The following PPM1D variants were observed in gnomAD, a reference collection of about 807,000 sequenced individuals.
PPM1D encodes protein phosphatase 1D.
Under a neutral mutation model 58.3 loss-of-function variants are expected in PPM1D, and 52 were observed. That is an observed-to-expected ratio of 0.89 (90% CI 0.71 to 1.12). The LOEUF (loss-of-function observed/expected upper bound fraction) is 1.12. PPM1D is among the 50% of genes most tolerant of loss of function. PPM1D has a pLI of 0.00. For synonymous variants in PPM1D, 278 were observed against 285.1 expected, an observed-to-expected ratio of 0.98 and a Z score of 0.25; for missense variants, 564 against 777.2, an observed-to-expected ratio of 0.73 and a Z score of 3.26.
chr17:60,632,270 G>T (rs1321108610), intron 2 of PPM1D, among the ~76,000 whole-genome samples: 1 of 152,058 alleles, frequency 6.6e-6, no homozygotes, highest in Non-Finnish European at 1.5e-5. Context: ...TTTTAGGAGG[G>T]TTTTCTTACT....
intron 3 of PPM1D, among the ~76,000 whole-genome samples, chr17:60,644,411 C>T (rs1236684581): frequency 6.6e-6 from 1 of 152,180 alleles, no homozygotes; most frequent in Non-Finnish European, 1.5e-5. Context: ...GCTGGGATTA[C>T]AGGCATGAGC....
chr17:60,624,908 G>T, intron 2 of PPM1D, among the ~76,000 whole-genome samples: 1 of 152,192 alleles, frequency 6.6e-6, no homozygotes, highest in East Asian at 1.9e-4. Flanking sequence ...GGGAGACCGA[G>T]GCGGGTGGAT....
chr17:60,612,672 G>A (rs1301188816), intron 1 of PPM1D, among the ~76,000 whole-genome samples: 1 of 152,018 alleles, frequency 6.6e-6, no homozygotes, highest in African/African-American at 2.4e-5. Flanking sequence ...CAGAAACCCG[G>A]ATACTTTTAG....
chr17:60,661,974 C>T (rs1002414041), intron 5 of PPM1D, among the ~76,000 whole-genome samples: 3 of 151,930 alleles, frequency 2.0e-5, no homozygotes, highest in Non-Finnish European at 4.4e-5. Flanking sequence ...CTAGAAAATT[C>T]AGATTTTTAT....
At chr17:60,642,727 G>A (rs2031160213) in intron 3 of PPM1D, among the ~76,000 whole-genome samples, 1 of 152,056 alleles carries the variant, frequency 6.6e-6, no homozygotes, top group African/African-American at 2.4e-5. Flanking sequence ...AAAGTTTTGG[G>A]ATTACAGGCG....
intron 5 of PPM1D, among the ~76,000 whole-genome samples, chr17:60,660,653 C>T (rs1042976200): frequency 1.3e-5 from 2 of 150,900 alleles, no homozygotes. Flanking sequence ...CCCAGCTACT[C>T]GGGAGGGTGA....
intron 2 of PPM1D, among the ~76,000 whole-genome samples, chr17:60,631,221 G>A (rs944504555): frequency 9.2e-5 from 14 of 152,142 alleles, no homozygotes; most frequent in African/African-American, 3.1e-4. Flanking sequence ...TTGGGAAGCT[G>A]AGGTGGGAGC....
rs1389426982 is a variant in PPM1D, at chr17:60,663,717, G to A, written c.*165G>A. ...TCCTGGCCTTGTACTTGCTTGTATT[G>A]TAAATGTGGATTTTGTAGATGTTAG... On this transcript the variant is annotated 3_prime_UTR_variant, in exon 6 of 6. Coordinates refer to ENST00000305921, the MANE Select transcript of PPM1D (RefSeq NM_003620.4). The A allele has an allele frequency of 2.8e-6, 2 of 715,780 alleles. No homozygotes were observed. The highest frequency in any genetic ancestry group is 5.6e-5 in the East Asian group (2 of 35,994). The allele number at this position is 715,780 out of a possible 1,614,324, so 44.3% of individuals were successfully genotyped here.
chr17:60,617,001 G>A (rs573062663), intron 1 of PPM1D, among the ~76,000 whole-genome samples: 1 of 152,090 alleles, frequency 6.6e-6, no homozygotes, highest in African/African-American at 2.4e-5. Context: ...AGGCTGGAGT[G>A]CAGTGGCACG....
intron 2 of PPM1D, among the ~76,000 whole-genome samples, chr17:60,626,992 T>A (rs560906628): frequency 6.6e-6 from 1 of 152,362 alleles, no homozygotes; most frequent in South Asian, 2.1e-4. Flanking sequence ...TTTCCCACAT[T>A]AATGTGTAGG....
intron 1 of PPM1D, among the ~76,000 whole-genome samples, chr17:60,610,917 C>T (rs907728461): frequency 1.3e-5 from 2 of 152,172 alleles, no homozygotes; most frequent in African/African-American, 2.4e-5. Flanking sequence ...ATTCTTTCAC[C>T]TTCTTGCCAA....
chr17:60,656,166 G>T (rs1416469845), intron 4 of PPM1D, among the ~76,000 whole-genome samples: 1 of 151,740 alleles, frequency 6.6e-6, no homozygotes, highest in Admixed American at 6.6e-5. Flanking sequence ...TGAAAATTTG[G>T]GAGCTTTGGC....
intron 1 of PPM1D, among the ~76,000 whole-genome samples, chr17:60,620,588 G>C (rs1402137614): frequency 6.7e-6 from 1 of 150,228 alleles, no homozygotes; most frequent in Admixed American, 6.6e-5. Flanking sequence ...GTGCAGTGGC[G>C]TGATCTCAGC....
At chr17:60,621,716 G>A (rs1300565760) in intron 1 of PPM1D, among the ~76,000 whole-genome samples, 1 of 150,788 alleles carries the variant, frequency 6.6e-6, no homozygotes, top group African/African-American at 2.4e-5. Context: ...TGGGACTACG[G>A]GCACCTGCCA....
intron 2 of PPM1D, among the ~76,000 whole-genome samples, chr17:60,629,219 C>T (rs1447576162): frequency 1.3e-5 from 2 of 152,164 alleles, no homozygotes; most frequent in East Asian, 1.9e-4. Flanking sequence ...CATTTCTATT[C>T]GGAAGCACAG....
At chr17:60,617,605 C>T (rs1348567011) in intron 1 of PPM1D, among the ~76,000 whole-genome samples, 1 of 151,424 alleles carries the variant, frequency 6.6e-6, no homozygotes, top group Non-Finnish European at 1.5e-5. Context: ...GTAAACACCC[C>T]AAATAATTGA....
At chr17:60,602,412 AC>A (rs2030233933) in intron 1 of PPM1D, among the ~76,000 whole-genome samples, 2 of 151,820 alleles carry the variant, frequency 1.3e-5, no homozygotes, top group Admixed American at 1.3e-4. Flanking sequence ...AAACTCCGTT[AC>A]ATTAGTATTA....
At chr17:60,636,366 C>A (rs2031022274) in intron 3 of PPM1D, among the ~76,000 whole-genome samples, 1 of 152,124 alleles carries the variant, frequency 6.6e-6, no homozygotes, top group African/African-American at 2.4e-5. Flanking sequence ...AGGTACTGTT[C>A]CAGGTGCTGA....
Position 60,653,089 on chromosome 17 carries a change from C to T in PPM1D, c.1018-3510C>T, listed in dbSNP as rs903297362. Among the ~76,000 whole-genome samples the T allele has an allele frequency of 6.6e-5, 10 of 152,148 alleles. 1 individual carries two copies. Among genetic ancestry groups the T allele is most frequent in the African/African-American group, 2.2e-4 (9 of 41,522 alleles). ...ATTTGCCCAGAACAGTGTCCTGGAG[C>T]GTTTCTCCAATGTTGTTTTCTTCTA... On this transcript the variant is annotated intron_variant, in intron 4 of 5. Coordinates refer to ENST00000305921, the MANE Select transcript of PPM1D (RefSeq NM_003620.4).
Sources: gnomAD v4.1 joint callset for allele counts (sites outside exome capture counted in the v4.1 genomes callset) on GRCh38, gnomAD v4.1.1 for gene constraint, MANE v1.5 for transcripts, NCBI Gene and HGNC (gene_info 2026-07-23, HGNC 2026-07-21) for gene names.